Variants in NRK observed in about 807,000 individuals in gnomAD.
The protein encoded by NRK is Nik related kinase.
In NRK, 67 loss-of-function variants were observed where a neutral mutation model predicts 125.2. That is an observed-to-expected ratio of 0.54 (90% CI 0.44 to 0.66). The LOEUF (loss-of-function observed/expected upper bound fraction) is 0.66, where lower values mean the gene tolerates loss of function less well. NRK is among the 30% of genes least tolerant of loss of function. The probability of loss-of-function intolerance (pLI) is 0.00; values close to 1 mark genes in which losing one functional copy is unlikely to be tolerated. For missense variants in NRK, 1,224 were observed against 1,192.9 expected, an observed-to-expected ratio of 1.03 and a Z score of -0.38; for synonymous variants, 458 against 429.0, an observed-to-expected ratio of 1.07 and a Z score of -0.84.
At chrX:105,870,796 G>A (rs1053709136) in intron 2 of NRK, among the ~76,000 whole-genome samples, 1 of 111,545 alleles carries the variant, frequency 9.0e-6, no homozygotes. Context: ...AACTACGAAG[G>A]CTGTCTTCTG....
intron 6 of NRK, chrX:105,895,090 A>G: frequency 2.3e-6 from 1 of 432,810 alleles, no homozygotes. Context: ...CTGAGCTGTG[A>G]TATTCAAGAT....
chrX:105,837,276 T>A (rs2147647814), intron 2 of NRK, among the ~76,000 whole-genome samples: 1 of 111,850 alleles, frequency 8.9e-6, no homozygotes, highest in Non-Finnish European at 1.9e-5. Flanking sequence ...ATTATATATA[T>A]GTGTGTATTA....
intron 2 of NRK, among the ~76,000 whole-genome samples, chrX:105,868,000 C>G (rs923048808): frequency 1.8e-5 from 2 of 111,381 alleles, no homozygotes; most frequent in Non-Finnish European, 3.8e-5. Context: ...CACATTGTCT[C>G]TTGCATTGTG....
At chrX:105,934,800 G>T (rs2147782859) in intron 20 of NRK, among the ~76,000 whole-genome samples, 1 of 111,958 alleles carries the variant, frequency 8.9e-6, no homozygotes, top group East Asian at 2.8e-4. Context: ...TACAATAAAA[G>T]GAAAGAAATT....
At chrX:105,879,139 G>A (rs150545391) in intron 2 of NRK, among the ~76,000 whole-genome samples, 1,727 of 110,178 alleles carry the variant, frequency 0.016, 36 homozygotes, top group African/African-American at 0.054. Flanking sequence ...GTGTCTCTGC[G>A]TTCAAATCTC....
chrX:105,864,263 T>C (rs994102311), intron 2 of NRK, among the ~76,000 whole-genome samples: 3 of 111,306 alleles, frequency 2.7e-5, no homozygotes, highest in Admixed American at 9.6e-5. Flanking sequence ...TATTGTATAG[T>C]ACATCTAGTT....
chrX:105,854,643 C>G (rs988962589), intron 2 of NRK, among the ~76,000 whole-genome samples: 4 of 111,756 alleles, frequency 3.6e-5, no homozygotes, highest in African/African-American at 1.3e-4. Flanking sequence ...CATAATATGT[C>G]AAGTGGATAT....
chrX:105,948,276 A>G (rs973080936), intron 26 of NRK, among the ~76,000 whole-genome samples: 2 of 111,604 alleles, frequency 1.8e-5, no homozygotes, highest in Non-Finnish European at 1.9e-5. Flanking sequence ...CTTAAAAATC[A>G]CTTTCTGACC....
chrX:105,871,646 T>A (rs1031732914), intron 2 of NRK, among the ~76,000 whole-genome samples: 4 of 110,892 alleles, frequency 3.6e-5, no homozygotes, highest in African/African-American at 6.6e-5. Context: ...AAGTTACCCT[T>A]AGGGAGCTGC....
chrX:105,924,816 G>C lies in NRK; in HGVS notation c.3097G>C (p.Ala1033Pro), dbSNP rs768497116. The C allele has an allele frequency of 2.2e-5, 27 of 1,210,761 alleles. No individual in the cohort carries two copies. Among genetic ancestry groups the C allele is most frequent in the Non-Finnish European group, 3.0e-5 (27 of 894,889 alleles). Reference protein sequence around the residue: ...TANRSHGGSAASEDNAAIGDQ... With the variant: ...TANRSHGGSAPSEDNAAIGDQ... ...CAATAGAAGCCATGGAGGAAGTGCAGCCAGTGAGGACAATGCAGCCATTGG... is the reference window on the plus strand; with the variant it reads ...CAATAGAAGCCATGGAGGAAGTGCACCCAGTGAGGACAATGCAGCCATTGG... Residue 1033 changes from alanine to proline, a missense_variant, in exon 19 of 29, where the codon GCC (alanine) becomes CCC (proline). Ala to Pro is a conservative substitution (Grantham distance 27). Coordinates refer to ENST00000243300, the MANE Select transcript of NRK (RefSeq NM_198465.4).
intron 2 of NRK, among the ~76,000 whole-genome samples, chrX:105,834,745 T>C (rs2039240356): frequency 9.0e-6 from 1 of 110,857 alleles, no homozygotes; most frequent in South Asian, 3.8e-4. Context: ...GTTTCAGTTT[T>C]GATCAATTTT....
rs193280714 is a variant in NRK at position 105,834,478 on chromosome X, G to C, written c.123+3359G>C. Among the ~76,000 whole-genome samples the C allele has an allele frequency of 2.7e-5, 3 of 109,582 alleles. No homozygotes were observed. The East Asian group carries it at 8.6e-4, about 31-fold the overall frequency. The stretch of plus-strand genomic sequence containing the variant: ...GTGTGTGTGTGTGTGTGTGTTGAAA[G>C]GATATTTATCTGAGATAATGGTTAG... On this transcript the variant is annotated intron_variant, in intron 2 of 28. Transcript: ENST00000243300.
At chrX:105,939,563 G>A (rs1008885287) in intron 22 of NRK, among the ~76,000 whole-genome samples, 2 of 110,756 alleles carry the variant, frequency 1.8e-5, no homozygotes, top group Non-Finnish European at 3.8e-5. Context: ...AATAGCCAAG[G>A]TACAAATGAA....
Position 105,951,489 on chromosome X carries a change from G to T in NRK, c.4514-1545G>T, listed in dbSNP as rs374218253. Among the ~76,000 whole-genome samples the T allele has an allele frequency of 4.5e-5, 5 of 112,029 alleles. No homozygotes were observed. The East Asian group carries it at 8.4e-4, about 19-fold the overall frequency. On this transcript the variant is annotated intron_variant, in intron 27 of 28. Coordinates refer to ENST00000243300, the MANE Select transcript of NRK (RefSeq NM_198465.4). ...TTTGTATATTAAGGATATTTTGAGA[G>T]TATGCTAAAGACTGTCATATAACAC...
At chrX:105,937,190 G>A (rs748295735) in intron 21 of NRK, among the ~76,000 whole-genome samples, 1 of 109,855 alleles carries the variant, frequency 9.1e-6, no homozygotes, top group East Asian at 2.9e-4. Flanking sequence ...TGTTGGTAGA[G>A]AGTACATAGT....
chrX:105,886,051 A>T (rs149096756), intron 4 of NRK, among the ~76,000 whole-genome samples: 1,134 of 110,036 alleles, frequency 0.01, 7 homozygotes, highest in Middle Eastern at 0.033. Context: ...CTGACATCAC[A>T]CTGTCTTCTG....
chrX:105,902,717 G>A (rs756411649), intron 9 of NRK, among the ~76,000 whole-genome samples: 7 of 111,743 alleles, frequency 6.3e-5, no homozygotes, highest in South Asian at 3.8e-4. Context: ...GATCAGCAAC[G>A]GCATTAGATT....
At chrX:105,869,182 A>G (rs1169470631) in intron 2 of NRK, among the ~76,000 whole-genome samples, 1 of 111,368 alleles carries the variant, frequency 9.0e-6, no homozygotes, top group African/African-American at 3.3e-5. Context: ...TTACCCATAA[A>G]GGTCAATTCA....
In NRK at chrX:105,935,195, T is replaced by A; in HGVS notation, c.3525T>A (p.Pro1175=). ...AILYAGFVEV[P]EESPKQPSEV... is the part of the protein sequence containing the mutation. ...TATACGCTGGATTCGTAGAAGTACC[T>A]GAGGAATCACCTAAGCAACCCTCTG... is the stretch of plus-strand genomic sequence containing the variant. The change falls in exon 21 of 29, where the codon CCT becomes CCA. Residue 1175 remains proline, a synonymous_variant. Transcript: ENST00000243300. The A allele has an allele frequency of 8.3e-7, 1 of 1,199,299 alleles. No individual in the cohort carries two copies. The highest frequency in any genetic ancestry group is 1.1e-6 in the Non-Finnish European group (1 of 884,602).
Sources: gnomAD v4.1 joint callset for allele counts (sites outside exome capture counted in the v4.1 genomes callset) on GRCh38, gnomAD v4.1.1 for gene constraint, MANE v1.5 for transcripts, NCBI Gene and HGNC (gene_info 2026-07-23, HGNC 2026-07-21) for gene names.